Variants in FKBP8 observed in about 807,000 individuals in gnomAD.
The protein encoded by FKBP8 is FKBP prolyl isomerase 8, also known as peptidyl-prolyl cis-trans isomerase FKBP8.
Under a neutral mutation model 41.7 loss-of-function variants are expected in FKBP8, and 5 were observed. The observed-to-expected ratio is 0.12, with a 90% CI of 0.06 to 0.25. FKBP8 has a LOEUF of 0.25. FKBP8 is among the 10% of genes least tolerant of loss of function. The probability of loss-of-function intolerance (pLI) is 1.00; values close to 1 mark genes in which losing one functional copy is unlikely to be tolerated. For synonymous variants in FKBP8, 279 were observed against 254.5 expected (o/e 1.10, Z -0.92); for missense variants, 397 against 563.0 (o/e 0.71, Z 2.98).
At chr19:18,536,770 A>G (rs575573360) in intron 6 of FKBP8, among the ~76,000 whole-genome samples, 1 of 152,342 alleles carries the variant, frequency 6.6e-6, no homozygotes, top group Admixed American at 6.5e-5. Context: ...AGTAAGGTAG[A>G]TGGACAAGAG....
intron 8 of FKBP8, 161 bp from the exon 9 acceptor site, chr19:18,532,416 A>G (rs988050897): frequency 2.2e-6 from 2 of 892,590 alleles, no homozygotes; most frequent in South Asian, 1.6e-5. Context: ...CAAAACCCAA[A>G]TCAAATGGCC....
rs747129490 is a variant in FKBP8, at chr19:18,537,589, G to A, written c.945+12C>T. Reference sequence around the variant, plus strand: ...GCTGAGTGACCCGGCCTGGCACCCCGGTGTGGCCTACCTTGCCCTTGCGGA... The same window carrying A: ...GCTGAGTGACCCGGCCTGGCACCCCAGTGTGGCCTACCTTGCCCTTGCGGA... On this transcript the variant is annotated intron_variant, in intron 6 of 8. Coordinates refer to ENST00000608443, the MANE Select transcript of FKBP8 (RefSeq NM_012181.5). The surrounding 1 kb of genome is among the most constrained non-coding windows in gnomAD (Gnocchi z 4.4). 6.8e-5 allele frequency: 107 copies of A among 1,573,804 alleles called. No individual in the cohort carries two copies. In the East Asian group the frequency reaches 7.5e-4, roughly 11 times the overall value.
rs966253939 is a variant in FKBP8, at chr19:18,539,476, T to C, written c.463-17A>G. 9 of 1,612,770 alleles carry C rather than the reference T, an allele frequency of 5.6e-6. No individual in the cohort carries two copies. The highest frequency in any genetic ancestry group is 2.2e-5 in the East Asian group (1 of 44,870). The stretch of plus-strand genomic sequence containing the variant: ...ATCCAGGGCCTGGGGTGTGTGGGGA[T>C]AGCCAGCTGTCAGGCAGACTCAGAC... On this transcript the variant is annotated splice_polypyrimidine_tract_variant and intron_variant, in intron 3 of 8. Coordinates refer to ENST00000608443, the MANE Select transcript of FKBP8 (RefSeq NM_012181.5).
chr19:18,540,254 A>G (rs1568411697), intron 2 of FKBP8, among the ~76,000 whole-genome samples: 1 of 152,168 alleles, frequency 6.6e-6, no homozygotes, highest in African/African-American at 2.4e-5. Context: ...TTTGGTTAGC[A>G]GAGCCCCTGT....
chr19:18,532,491 G>T, intron 8 of FKBP8, 173 bp downstream of exon 8: 1 of 1,094,868 alleles, frequency 9.1e-7, no homozygotes, highest in Non-Finnish European at 1.3e-6. Flanking sequence ...CAGCCCTCCA[G>T]CTTGAGTTCC....
At position 18,532,190 on chromosome 19, in the gene FKBP8, C is replaced by T. The variant is rs939229342; in HGVS notation, c.1221G>A (p.Val407=). 4 of 1,608,062 alleles carry T rather than the reference C, an allele frequency of 2.5e-6. No individual in the cohort carries two copies. The highest frequency in any genetic ancestry group is 3.4e-6 in the Non-Finnish European group (4 of 1,177,860). ...AVALGGVALS[V]VIAARN ...GTGGTCAGTTCCTGGCAGCGATGAC[C>T]ACAGAGAGTGCCACACCCCCCAAGG... The change falls in exon 9 of 9, where the codon GTG becomes GTA. Residue 407 remains valine (V), a synonymous_variant. Transcript: ENST00000608443.
intron 7 of FKBP8, 85 bp from the exon 8 acceptor site, chr19:18,532,880 T>C: frequency 6.4e-7 from 1 of 1,558,838 alleles, no homozygotes; most frequent in African/African-American, 1.3e-5. Context: ...CTAGGCTGTT[T>C]GGGTGGTGGG....
chr19:18,533,126 G>C (rs1976486787), intron 7 of FKBP8, 144 bp downstream of exon 7: 2 of 789,306 alleles, frequency 2.5e-6, no homozygotes, highest in East Asian at 2.8e-5. Flanking sequence ...GTCTTCACAA[G>C]CTGACCAGGA....
In FKBP8 at chr19:18,531,820, CAGGCGGG is replaced by C; in HGVS notation, c.*342_*348del. ...GGGAGGGAACCTGGACAGGGGGCGG[CAGGCGGG>C]GTGGGGGGCTGGCACTCAGGCGGGG... On this transcript the variant is annotated 3_prime_UTR_variant, in exon 9 of 9. Transcript: ENST00000608443. 1 of 187,598 alleles carries C rather than the reference CAGGCGGG, an allele frequency of 5.3e-6. No individual in the cohort carries two copies. The highest frequency in any genetic ancestry group is 8.6e-5 in the Admixed American group (1 of 11,672). The allele number at this position is 187,598 out of a possible 1,614,324, so 11.6% of individuals were successfully genotyped here.
chr19:18,541,633 G>T (rs372986668), intron 2 of FKBP8, 46 bp downstream of exon 2: 3 of 1,555,556 alleles, frequency 1.9e-6, no homozygotes, highest in South Asian at 1.2e-5. Context: ...CTCAGGGGAC[G>T]AGAGGGCCAG....
In FKBP8 at chr19:18,537,574, C is replaced by G. The variant is rs1002974778; in HGVS notation, c.945+27G>C. 2 of 1,558,062 alleles carry G rather than the reference C, an allele frequency of 1.3e-6. No homozygotes were observed. Among genetic ancestry groups the G allele is most frequent in the Non-Finnish European group, 1.7e-6 (2 of 1,149,814 alleles). ...CCCCGTATACCCCAGGCTGAGTGAC[C>G]CGGCCTGGCACCCCGGTGTGGCCTA... On this transcript the variant is annotated intron_variant, in intron 6 of 8. Coordinates refer to ENST00000608443, the MANE Select transcript of FKBP8 (RefSeq NM_012181.5). This position sits in a 1 kb window ranked among gnomAD's most constrained non-coding sequence, Gnocchi z 4.4.
rs1976617103 is a variant in FKBP8, at chr19:18,537,950, G to A, written c.773-177C>T. The A allele has an allele frequency of 6.9e-6, 5 of 719,820 alleles. No homozygotes were observed. In the South Asian group the frequency reaches 7.5e-5, roughly 11 times the overall value. 44.6% of individuals were successfully genotyped at this position (719,820 alleles called of 1,614,324 possible). A position where few individuals can be genotyped will look rare whatever the true frequency, so the allele number is the denominator to read the frequency against. On this transcript the variant is annotated intron_variant, in intron 5 of 8. Coordinates refer to ENST00000608443, the MANE Select transcript of FKBP8 (RefSeq NM_012181.5). This position sits in a 1 kb window ranked among gnomAD's most constrained non-coding sequence, Gnocchi z 4.4. The stretch of plus-strand genomic sequence containing the variant: ...AGCTACAAGATGGAGACTTAAGCAA[G>A]CGAGGGCCTAGCCTGTGGTACATGT...
In FKBP8 at chr19:18,538,035, A is replaced by G. The variant is rs534110688; in HGVS notation, c.772+181T>C. On this transcript the variant is annotated intron_variant, in intron 5 of 8. Transcript: ENST00000608443. The surrounding 1 kb of genome is among the most constrained non-coding windows in gnomAD (Gnocchi z 4.0). ...ATCCACTTGCATTCTACAACACTCC[A>G]CTGGTCTGGGATATACCACGAGTCT... 8.8e-4 allele frequency: 635 copies of G among 722,800 alleles called. 1 individual carries two copies. Among genetic ancestry groups the G allele is most frequent in the Middle Eastern group, 2.3e-3 (6 of 2,628 alleles). The allele number at this position is 722,800 out of a possible 1,614,324, so 44.8% of individuals were successfully genotyped here.
chr19:18,533,216 C>A lies in FKBP8; in HGVS notation c.1023+54G>T, dbSNP rs376815317. The A allele has an allele frequency of 8.3e-5, 122 of 1,477,470 alleles. 1 individual carries two copies. The African/African-American group carries it at 1.6e-3, about 20-fold the overall frequency. 91.5% of individuals were successfully genotyped at this position (1,477,470 alleles called of 1,614,324 possible). A position where few individuals can be genotyped will look rare whatever the true frequency, so the allele number is the denominator to read the frequency against. On this transcript the variant is annotated intron_variant, in intron 7 of 8. Transcript: ENST00000608443. ...ACAGCAAGAAAGACCTGGGGCAGAC[C>A]GCAGGAGGGACTTCCCAGCCGAGCA...
At position 18,537,804 on chromosome 19, in the gene FKBP8, C is replaced by T. The variant is rs781330347; in HGVS notation, c.773-31G>A. On this transcript the variant is annotated intron_variant, in intron 5 of 8. Transcript: ENST00000608443. This position sits in a 1 kb window ranked among gnomAD's most constrained non-coding sequence, Gnocchi z 4.4. ...GGGAGACAGTGCCCGCCACGGCAGC[C>T]GTCACCATGCCACCAGACACCCCGG... The T allele has an allele frequency of 5.1e-6, 8 of 1,580,496 alleles. No homozygotes were observed. The highest frequency in any genetic ancestry group is 2.3e-5 in the East Asian group (1 of 44,296).
At chr19:18,535,735 A>C (rs1976558084) in intron 6 of FKBP8, among the ~76,000 whole-genome samples, 1 of 151,364 alleles carries the variant, frequency 6.6e-6, no homozygotes, top group Non-Finnish European at 1.5e-5. Context: ...AAAAAAAAAA[A>C]AAAAGGAGGG....
In FKBP8 at chr19:18,533,305, G is replaced by A. The variant is rs746393416; in HGVS notation, c.988C>T (p.Leu330=). ...GGTTCCAGCTTCAGGGCTGCCCTCA[G>A]GATGGGGATGGCCTCACTGTACTCC... The part of the protein sequence containing the change: ...QGEYSEAIPI[L]RAALKLEPSN... Residue 330 remains leucine (L), a synonymous_variant, in exon 7 of 9, where the codon CTG becomes TTG. Transcript: ENST00000608443. The A allele has an allele frequency of 1.9e-6, 3 of 1,605,098 alleles. No homozygotes were observed. In the Admixed American group the frequency reaches 5.1e-5, roughly 27 times the overall value.
At chr19:18,533,003 G>T in intron 7 of FKBP8, 1 of 833,510 alleles carries the variant, frequency 1.2e-6, no homozygotes, top group Non-Finnish European at 1.8e-6. Flanking sequence ...AAGGTAGCCA[G>T]GAGACAAAAG....
At position 18,539,690 on chromosome 19, in the gene FKBP8, A is replaced by C. The variant is rs762688348; in HGVS notation, c.323T>G (p.Val108Gly). 9 of 1,609,630 alleles carry C rather than the reference A, an allele frequency of 5.6e-6. No individual in the cohort carries two copies. The highest frequency in any genetic ancestry group is 7.6e-6 in the Non-Finnish European group (9 of 1,180,000). The change falls in exon 3 of 9, where the codon GTC (valine) becomes GGC (glycine). Residue 108 changes from valine to glycine, a missense_variant. Val to Gly is a moderately radical substitution (Grantham distance 109, BLOSUM62 -3). Coordinates refer to ENST00000608443, the MANE Select transcript of FKBP8 (RefSeq NM_012181.5). ...GCGGCTCGAACCTGGCGGCCCTGGG[A>C]CCAGCGTCTTCTTCCTCAACAGCCC... ...GNGLLRKKTL[V>G]PGPPGSSRPV...
Sources: gnomAD v4.1 joint callset for allele counts (sites outside exome capture counted in the v4.1 genomes callset) on GRCh38, gnomAD v4.1.1 for gene constraint, Gnocchi (gnomAD v3.1) non-coding constraint, MANE v1.5 for transcripts, NCBI Gene and HGNC (gene_info 2026-07-23, HGNC 2026-07-21) for gene names.